Variants in GLDC observed in about 807,000 individuals in gnomAD.
The protein encoded by GLDC is glycine decarboxylase, also known as glycine dehydrogenase (decarboxylating), mitochondrial.
GLDC carries 104 observed loss-of-function variants against 121.3 expected under a neutral mutation model. The observed-to-expected ratio is 0.86, with a 90% CI of 0.73 to 1.01. The LOEUF is 1.01. GLDC is among the 50% of genes least tolerant of loss of function. The pLI, the probability that GLDC is intolerant of heterozygous loss-of-function variation, is 0.00. For missense variants in GLDC, 1,429 were observed against 1,306.6 expected, an observed-to-expected ratio of 1.09 and a Z score of -1.44; for synonymous variants, 546 against 480.6, an observed-to-expected ratio of 1.14 and a Z score of -1.78.
intron 15 of GLDC, among the ~76,000 whole-genome samples, chr9:6,573,412 G>C (rs1207559641): frequency 6.6e-6 from 1 of 152,164 alleles, no homozygotes; most frequent in East Asian, 1.9e-4. Flanking sequence ...AGTGAGCTGA[G>C]ATCGTGCCAC....
At chr9:6,601,361 G>T (rs148759387) in intron 8 of GLDC, among the ~76,000 whole-genome samples, 1 of 152,016 alleles carries the variant, frequency 6.6e-6, no homozygotes, top group Non-Finnish European at 1.5e-5. Flanking sequence ...CTGGCCCAAC[G>T]CCAAGAATAC....
chr9:6,589,679 G>A (rs1818339620), intron 11 of GLDC, among the ~76,000 whole-genome samples: 1 of 152,100 alleles, frequency 6.6e-6, no homozygotes, highest in South Asian at 2.1e-4. Context: ...TGCCTGCCTT[G>A]GCTTCCCAAA....
rs1302440234 is a variant in GLDC, at chr9:6,544,399, G to A, written c.2570-4253C>T. On this transcript the variant is annotated intron_variant, in intron 21 of 24. Transcript: ENST00000321612. ...CAGGCAAAGTCGCTGTTTGTCTGAT[G>A]GAAAAACAAAAAAAAAGGCAGAAGA... 2.0e-5 allele frequency among the ~76,000 whole-genome samples: 3 copies of A among 151,640 alleles called. 1 individual carries two copies. The East Asian group carries it at 5.8e-4, about 29-fold the overall frequency.
chr9:6,606,029 C>T (rs911702744), intron 5 of GLDC: 8 of 157,270 alleles, frequency 5.1e-5, no homozygotes, highest in African/African-American at 9.6e-5. Context: ...CAAAACGGGC[C>T]GGGCGCAGTG....
chr9:6,575,433 T>C (rs1306169381), intron 15 of GLDC, among the ~76,000 whole-genome samples: 8 of 152,174 alleles, frequency 5.3e-5, no homozygotes, highest in African/African-American at 1.4e-4. Flanking sequence ...CCTGGGGATT[T>C]GTTAAAAATG....
intron 8 of GLDC, among the ~76,000 whole-genome samples, chr9:6,601,730 T>C (rs1818615286): frequency 6.6e-6 from 1 of 152,224 alleles, no homozygotes; most frequent in South Asian, 2.1e-4. Flanking sequence ...ATTCTGGTGA[T>C]CCTCCCACCT....
At chr9:6,624,710 G>T (rs560481810) in intron 2 of GLDC, among the ~76,000 whole-genome samples, 2 of 152,130 alleles carry the variant, frequency 1.3e-5, no homozygotes, top group African/African-American at 2.4e-5. Flanking sequence ...AGGTTGGTGG[G>T]GCACGGTGGC....
chr9:6,632,438 G>C (rs1375504146), intron 2 of GLDC, among the ~76,000 whole-genome samples: 1 of 152,128 alleles, frequency 6.6e-6, no homozygotes, highest in African/African-American at 2.4e-5. Context: ...GATGATACAG[G>C]CATTGAGAAT....
intron 21 of GLDC, 89 bp from the exon 22 acceptor site, chr9:6,540,235 A>C: frequency 1.1e-6 from 1 of 881,914 alleles, no homozygotes; most frequent in Non-Finnish European, 1.9e-6. Context: ...AAATAAGTGC[A>C]TCAGCTTTTT....
Position 6,592,213 on chromosome 9 carries a change from G to C in GLDC, c.1412C>G (p.Ser471Cys). 1.9e-6 allele frequency: 3 copies of C among 1,596,558 alleles called. No homozygotes were observed. The highest frequency in any genetic ancestry group is 2.6e-6 in the Non-Finnish European group (3 of 1,164,430). ...TTTTTCATTGACTGTTTCATCAAGA[G>C]AAATACCAAGCTACAGAAACACAAA... ...RLFEDGTLGI[S>C]LDETVNEKDL... The change falls in exon 11 of 25, where the codon TCT (serine) becomes TGT (cysteine). Residue 471 changes from serine (S) to cysteine (C), a missense_variant. Physicochemically the swap from Ser to Cys is moderately radical, Grantham distance 112 (BLOSUM62 -1). Transcript: ENST00000321612.
intron 3 of GLDC, among the ~76,000 whole-genome samples, chr9:6,615,385 C>A (rs1469067245): frequency 6.6e-6 from 1 of 151,092 alleles, no homozygotes; most frequent in Non-Finnish European, 1.5e-5. Context: ...CAAGATCAGC[C>A]TGGGCAACAC....
intron 24 of GLDC, 150 bp downstream of exon 24, chr9:6,534,558 T>G: frequency 1.5e-6 from 1 of 647,404 alleles, no homozygotes; most frequent in South Asian, 1.6e-5. Flanking sequence ...GAAAGCCAAT[T>G]TCTTTGCTCC....
At chr9:6,590,081 T>A (rs1358751893) in intron 11 of GLDC, among the ~76,000 whole-genome samples, 5 of 151,584 alleles carry the variant, frequency 3.3e-5, no homozygotes, top group Admixed American at 6.6e-5. Flanking sequence ...ATATAGGGGC[T>A]AATCTGCATA....
chr9:6,645,198 G>C, intron 1 of GLDC, 47 bp downstream of exon 1: 1 of 1,525,276 alleles, frequency 6.6e-7, no homozygotes. Context: ...GGCAGAGCCC[G>C]GGCAGGGCGG....
chr9:6,620,056 G>C, intron 3 of GLDC, 128 bp downstream of exon 3: 1 of 893,224 alleles, frequency 1.1e-6, no homozygotes, highest in Admixed American at 1.7e-5. Flanking sequence ...TAGGTTCCCG[G>C]ACATTGGAGA....
At chr9:6,540,322 T>C (rs1817228560) in intron 21 of GLDC, 176 bp from the exon 22 acceptor site, 1 of 623,948 alleles carries the variant, frequency 1.6e-6, no homozygotes, top group South Asian at 1.9e-5. Flanking sequence ...CATTTAGTCT[T>C]ATTACAAATA....
intron 1 of GLDC, 149 bp from the exon 2 acceptor site, chr9:6,644,841 G>C (rs1819707061): frequency 2.9e-6 from 2 of 684,994 alleles, no homozygotes; most frequent in Non-Finnish European, 5.2e-6. Flanking sequence ...GAGCAAGCCA[G>C]AATGATTTGG....
At chr9:6,612,402 A>C (rs955309581) in intron 3 of GLDC, among the ~76,000 whole-genome samples, 1 of 152,114 alleles carries the variant, frequency 6.6e-6, no homozygotes, top group Non-Finnish European at 1.5e-5. Flanking sequence ...GTTGGTTTCA[A>C]AGCTTTCAAA....
At chr9:6,629,959 T>TATATATATATATGTATATATATATATA (rs1449751329) in intron 2 of GLDC, among the ~76,000 whole-genome samples, 3 of 55,862 alleles carry the variant, frequency 5.4e-5, no homozygotes, top group Middle Eastern at 5.7e-3. Context: ...ATATATATAT[T>TATATATATATATGTATATATATATATA]TTTTTTTTTT....
Sources: allele counts gnomAD v4.1 joint callset (sites outside exome capture counted in the v4.1 genomes callset), GRCh38; gene constraint gnomAD v4.1.1; transcripts MANE v1.5; gene names NCBI Gene and HGNC (gene_info 2026-07-23, HGNC 2026-07-21).